Variants in MSRB3 observed in about 807,000 individuals in gnomAD.
MSRB3 encodes the protein methionine sulfoxide reductase B3, also known as methionine-R-sulfoxide reductase B3.
A neutral mutation model predicts 21.0 loss-of-function variants in MSRB3; 13 were observed. That is an observed-to-expected ratio of 0.62 (90% confidence interval 0.40 to 0.98). MSRB3 has a LOEUF of 0.98. MSRB3 is among the 50% of genes least tolerant of loss of function. MSRB3 has a pLI of 0.00. For missense variants in MSRB3, 199 were observed against 230.3 expected (o/e 0.86, Z 0.88); for synonymous variants, 87 against 88.6 (o/e 0.98, Z 0.10).
chr12:65,329,016 T>A (rs901954192), intron 4 of MSRB3, among the ~76,000 whole-genome samples: 8 of 152,244 alleles, frequency 5.3e-5, no homozygotes, highest in Non-Finnish European at 1.2e-4. Flanking sequence ...AAGTAGATTA[T>A]ACTTTTGCAA....
intron 6 of MSRB3, among the ~76,000 whole-genome samples, chr12:65,458,303 A>G (rs1883180051): frequency 6.6e-6 from 1 of 152,204 alleles, no homozygotes; most frequent in African/African-American, 2.4e-5. Flanking sequence ...CATACAGTGA[A>G]TTAGGCCTCA....
Position 65,313,802 on chromosome 12 carries a change from A to AT in MSRB3, c.76+5155dup, listed in dbSNP as rs535890987. On this transcript the variant is annotated intron_variant, in intron 2 of 6. Coordinates refer to ENST00000308259, the MANE Select transcript of MSRB3 (RefSeq NM_001031679.3). ...ATTATATTAAAATGCCGAGGAGAGGATTTTTTTTAAAGAAATAGAAAAAAG... is the reference window on the plus strand; with the variant it reads ...ATTATATTAAAATGCCGAGGAGAGGATTTTTTTTTAAAGAAATAGAAAAAAG... 4.2e-4 allele frequency among the ~76,000 whole-genome samples: 64 copies of AT among 152,116 alleles called. No individual in the cohort carries two copies. The East Asian group carries it at 9.5e-3, about 23-fold the overall frequency.
intron 6 of MSRB3, among the ~76,000 whole-genome samples, chr12:65,462,529 T>G (rs1001261590): frequency 6.6e-6 from 1 of 152,224 alleles, no homozygotes; most frequent in Admixed American, 6.5e-5. Flanking sequence ...GAAGCCAGCA[T>G]GACACTACTT....
rs1255296327 is a variant in MSRB3, at chr12:65,287,782, G to A, written c.-52+8917G>A. On this transcript the variant is annotated intron_variant, in intron 1 of 6. Coordinates refer to ENST00000308259, the MANE Select transcript of MSRB3 (RefSeq NM_001031679.3). ...TTGAGGGCAGAGCATGTTTACCTGC[G>A]TGCAGAGCCACTTGAAAAATTATAG... Among the ~76,000 whole-genome samples, 2 of 152,138 alleles carry A rather than the reference G, an allele frequency of 1.3e-5. 1 individual carries two copies. The highest frequency in any genetic ancestry group is 4.1e-4 in the South Asian group (2 of 4,834).
intron 2 of MSRB3, among the ~76,000 whole-genome samples, chr12:65,318,957 A>G (rs970203882): frequency 2.0e-5 from 3 of 152,190 alleles, no homozygotes; most frequent in Admixed American, 2.0e-4. Context: ...TCGTACAGTC[A>G]TTCGGGTGAA....
At chr12:65,437,147 G>A (rs1346841532) in intron 5 of MSRB3, among the ~76,000 whole-genome samples, 1 of 151,872 alleles carries the variant, frequency 6.6e-6, no homozygotes, top group Non-Finnish European at 1.5e-5. Context: ...GACAACTTGA[G>A]TAAAGTTTTT....
intron 5 of MSRB3, among the ~76,000 whole-genome samples, chr12:65,377,591 C>T (rs1047896507): frequency 3.3e-5 from 5 of 152,154 alleles, no homozygotes; most frequent in East Asian, 1.9e-4. Flanking sequence ...TAAGCCACAG[C>T]GCCTGGTCTA....
chr12:65,396,665 T>G (rs1879798781), intron 5 of MSRB3, among the ~76,000 whole-genome samples: 1 of 139,218 alleles, frequency 7.2e-6, no homozygotes, highest in African/African-American at 3.0e-5. Context: ...CACTCCAGCC[T>G]GGGTGACAAG....
At chr12:65,336,535 TA>T (rs1196743672) in intron 4 of MSRB3, among the ~76,000 whole-genome samples, 10 of 152,260 alleles carry the variant, frequency 6.6e-5, no homozygotes, top group Admixed American at 5.2e-4. Context: ...GTTCTTCAGT[TA>T]ATTTTCCAAA....
At chr12:65,459,285 A>C (rs937607146) in intron 6 of MSRB3, among the ~76,000 whole-genome samples, 1 of 152,206 alleles carries the variant, frequency 6.6e-6, no homozygotes, top group Non-Finnish European at 1.5e-5. Context: ...CACCAATAGA[A>C]AGTATTTTTC....
intron 5 of MSRB3, among the ~76,000 whole-genome samples, chr12:65,436,023 C>T (rs963295813): frequency 6.6e-6 from 1 of 151,706 alleles, no homozygotes; most frequent in Non-Finnish European, 1.5e-5. Context: ...CATGGTAGTA[C>T]ACCCCAGGTA....
chr12:65,424,166 A>G (rs1881460342), intron 5 of MSRB3, among the ~76,000 whole-genome samples: 1 of 150,868 alleles, frequency 6.6e-6, no homozygotes, highest in Non-Finnish European at 1.5e-5. Context: ...TTTGAGTGCT[A>G]TTTGTGTAAT....
chr12:65,386,159 C>G (rs76957472), intron 5 of MSRB3, among the ~76,000 whole-genome samples: 2,220 of 151,988 alleles, frequency 0.015, 52 homozygotes, highest in African/African-American at 0.05. Flanking sequence ...ATTACTGTTT[C>G]TTGTATCCTG....
chr12:65,298,790 G>A (rs2136407289), intron 1 of MSRB3, among the ~76,000 whole-genome samples: 1 of 152,224 alleles, frequency 6.6e-6, no homozygotes, highest in Admixed American at 6.5e-5. Flanking sequence ...ATGAATGGGT[G>A]GCAAAGTTCT....
intron 5 of MSRB3, among the ~76,000 whole-genome samples, chr12:65,424,324 A>C (rs984560458): frequency 2.7e-5 from 4 of 149,830 alleles, no homozygotes; most frequent in African/African-American, 9.8e-5. Flanking sequence ...TTCTGCTCTG[A>C]TTTTTATTAT....
intron 4 of MSRB3, among the ~76,000 whole-genome samples, chr12:65,354,955 T>A (rs1348067161): frequency 6.6e-6 from 1 of 151,442 alleles, no homozygotes. Flanking sequence ...AAAGTAGGAG[T>A]GGTAAAGCTA....
intron 2 of MSRB3, among the ~76,000 whole-genome samples, chr12:65,323,386 T>C (rs1874812063): frequency 6.6e-6 from 1 of 152,216 alleles, no homozygotes; most frequent in Non-Finnish European, 1.5e-5. Flanking sequence ...ATGGAACTGA[T>C]CTATCTCAAA....
chr12:65,296,097 T>A (rs1872946589), intron 1 of MSRB3, among the ~76,000 whole-genome samples: 1 of 152,216 alleles, frequency 6.6e-6, no homozygotes. Context: ...ATACACAAAG[T>A]TACATCACTC....
chr12:65,386,767 A>G (rs960808783), intron 5 of MSRB3, among the ~76,000 whole-genome samples: 3 of 152,008 alleles, frequency 2.0e-5, no homozygotes, highest in African/African-American at 7.2e-5. Context: ...CTTTGATTAA[A>G]TCAGAATACA....
Sources: gnomAD v4.1 joint callset for allele counts (sites outside exome capture counted in the v4.1 genomes callset) on GRCh38, gnomAD v4.1.1 for gene constraint, MANE v1.5 for transcripts, NCBI Gene and HGNC (gene_info 2026-07-23, HGNC 2026-07-21) for gene names.